The following TRPC5 variants were observed in gnomAD, a reference collection of about 807,000 sequenced individuals.
TRPC5 encodes transient receptor potential cation channel subfamily C member 5.
In TRPC5, 9 loss-of-function variants were observed where a neutral mutation model predicts 56.5. The observed-to-expected ratio is 0.16, with a 90% confidence interval of 0.10 to 0.28. The LOEUF is 0.28. Among genes scored for constraint, TRPC5 ranks in the 10% least tolerant of loss-of-function variants. The pLI, the probability that TRPC5 is intolerant of heterozygous loss-of-function variation, is 1.00. For synonymous variants in TRPC5, 282 were observed against 278.5 expected (o/e 1.01, Z -0.13); for missense variants, 469 against 748.9 (o/e 0.63, Z 4.36).
intron 1 of TRPC5, among the ~76,000 whole-genome samples, chrX:112,070,530 C>T (rs7051267): frequency 0.092 from 10,201 of 110,857 alleles, 1,177 homozygotes; most frequent in African/African-American, 0.32. Context: ...AGATATGAAT[C>T]TCCCCCACCC....
chrX:111,779,300 C>T (rs1394406998), intron 9 of TRPC5, among the ~76,000 whole-genome samples: 2 of 111,792 alleles, frequency 1.8e-5, no homozygotes, highest in Non-Finnish European at 3.8e-5. Context: ...AAATTTTTTA[C>T]CCAAGCATAA....
chrX:112,014,529 C>T (rs1929071957), intron 1 of TRPC5, among the ~76,000 whole-genome samples: 1 of 112,251 alleles, frequency 8.9e-6, no homozygotes, highest in African/African-American at 3.2e-5. Context: ...GTGAACTAAT[C>T]ATCTCCTTAT....
At chrX:111,990,414 T>C (rs1427928969) in intron 1 of TRPC5, among the ~76,000 whole-genome samples, 1 of 111,002 alleles carries the variant, frequency 9.0e-6, no homozygotes, top group Non-Finnish European at 1.9e-5. Context: ...TGAGACTCCA[T>C]CTCAAAAATA....
intron 7 of TRPC5, among the ~76,000 whole-genome samples, chrX:111,833,957 A>G (rs1922489184): frequency 9.0e-6 from 1 of 111,483 alleles, no homozygotes; most frequent in Non-Finnish European, 1.9e-5. Flanking sequence ...ACTGATCCAG[A>G]GGGGGTAATC....
chrX:112,058,700 G>A (rs187966322), intron 1 of TRPC5, among the ~76,000 whole-genome samples: 7 of 112,073 alleles, frequency 6.2e-5, no homozygotes, highest in African/African-American at 1.3e-4. Flanking sequence ...TCAGAAAAGC[G>A]ATGTGACTTG....
chrX:112,066,183 CCTTCTG>C (rs778520179), intron 1 of TRPC5, among the ~76,000 whole-genome samples: 1 of 109,249 alleles, frequency 9.2e-6, no homozygotes, highest in African/African-American at 3.3e-5. Context: ...AGAACCAAAC[CCTTCTG>C]CTTCTGTGTT....
chrX:111,973,144 A>G (rs1270596067), intron 1 of TRPC5, among the ~76,000 whole-genome samples: 1 of 111,451 alleles, frequency 9.0e-6, no homozygotes, highest in Non-Finnish European at 1.9e-5. Flanking sequence ...ATTGGGACTG[A>G]CTTTCTGAAA....
At chrX:111,929,864 C>T (rs1472623791) in intron 2 of TRPC5, among the ~76,000 whole-genome samples, 1 of 112,073 alleles carries the variant, frequency 8.9e-6, no homozygotes, top group Non-Finnish European at 1.9e-5. Context: ...GAGAATTCCA[C>T]TTTCAGACTT....
At position 111,947,924 on chromosome X, in the gene TRPC5, A is replaced by G. The variant is rs147007999; in HGVS notation, c.378+4119T>C. On this transcript the variant is annotated intron_variant, in intron 2 of 10. Transcript: ENST00000262839. ...ACTCAAGGAACTTTTATTATCACAT[A>G]GTGTCTTTGCTTTCTGCTCCATTTA... 4.5e-3 allele frequency among the ~76,000 whole-genome samples: 501 copies of G among 112,004 alleles called. 2 individuals are homozygous for G. The highest frequency in any genetic ancestry group is 6.6e-3 in the Non-Finnish European group (353 of 53,222).
At chrX:111,953,565 G>GACACC (rs1927150990) in intron 1 of TRPC5, among the ~76,000 whole-genome samples, 1 of 111,825 alleles carries the variant, frequency 8.9e-6, no homozygotes, top group Non-Finnish European at 1.9e-5. Flanking sequence ...GATCTATTAG[G>GACACC]TGTTGGCTCC....
At chrX:111,975,106 A>C (rs149853465) in intron 1 of TRPC5, among the ~76,000 whole-genome samples, 1 of 110,811 alleles carries the variant, frequency 9.0e-6, no homozygotes, top group African/African-American at 3.3e-5. Context: ...GATGCTCTGC[A>C]CAAACAAGAA....
chrX:111,865,617 T>C (rs991950663), intron 3 of TRPC5, among the ~76,000 whole-genome samples: 3 of 111,872 alleles, frequency 2.7e-5, no homozygotes, highest in Non-Finnish European at 5.6e-5. Context: ...TGAGCCACCG[T>C]GCCCGGCCAG....
At chrX:112,001,326 C>T (rs755152785) in intron 1 of TRPC5, among the ~76,000 whole-genome samples, 1 of 112,308 alleles carries the variant, frequency 8.9e-6, no homozygotes, top group East Asian at 2.8e-4. Flanking sequence ...CTCTCTGTGC[C>T]TTAGTTTCCT....
Position 111,892,705 on chromosome X carries a change from A to T in TRPC5, c.900+19586T>A, listed in dbSNP as rs183096849. Among the ~76,000 whole-genome samples the T allele has an allele frequency of 1.5e-4, 17 of 111,749 alleles. No homozygotes were observed. In the East Asian group the frequency reaches 4.8e-3, roughly 32 times the overall value. On this transcript the variant is annotated intron_variant, in intron 3 of 10. Coordinates refer to ENST00000262839, the MANE Select transcript of TRPC5 (RefSeq NM_012471.3). ...CTTCAAGACAGTCCTGTTCCCTCAC[A>T]TTTTTACCCAAGCTCAAAGTCATCA...
intron 1 of TRPC5, among the ~76,000 whole-genome samples, chrX:112,023,429 C>T (rs915716888): frequency 7.4e-5 from 8 of 108,183 alleles, no homozygotes; most frequent in Admixed American, 2.0e-4. Context: ...TGACAAAGAT[C>T]GTGATTCTGT....
chrX:112,077,202 C>T (rs146069808), intron 1 of TRPC5, among the ~76,000 whole-genome samples: 3,649 of 111,407 alleles, frequency 0.033, 139 homozygotes, highest in African/African-American at 0.11. Flanking sequence ...GAACTCAGGT[C>T]TGTGTGAGTT....
In TRPC5 at chrX:111,772,191, A is replaced by G; in HGVS notation, c.*4122T>C. Among the ~76,000 whole-genome samples the G allele has an allele frequency of 1.8e-5, 2 of 111,613 alleles. No homozygotes were observed. Among genetic ancestry groups the G allele is most frequent in the Middle Eastern group, 4.6e-3 (1 of 216 alleles). ...TTGGGGTACTCAGATCCCACTGCCG[A>G]GTCCTACACCAACAAGGTGGATATT... On this transcript the variant is annotated 3_prime_UTR_variant, in exon 11 of 11. Transcript: ENST00000262839.
intron 1 of TRPC5, among the ~76,000 whole-genome samples, chrX:111,996,012 T>C (rs1928518930): frequency 9.0e-6 from 1 of 110,883 alleles, no homozygotes; most frequent in Non-Finnish European, 1.9e-5. Context: ...TAGTTATTTC[T>C]TGCCTTCTGC....
At chrX:111,912,171 G>T in intron 3 of TRPC5, 120 bp downstream of exon 3, 2 of 839,527 alleles carry the variant, frequency 2.4e-6, no homozygotes, top group Non-Finnish European at 1.7e-6. Context: ...TAGCTGTGAG[G>T]CCTGCCCAAC....
Sources: gnomAD v4.1 joint callset for allele counts (sites outside exome capture counted in the v4.1 genomes callset) on GRCh38, gnomAD v4.1.1 for gene constraint, MANE v1.5 for transcripts, NCBI Gene and HGNC (gene_info 2026-07-23, HGNC 2026-07-21) for gene names.